Variants in TMTC2 observed in about 807,000 individuals in gnomAD.
TMTC2 encodes transmembrane O-mannosyltransferase targeting cadherins 2.
A neutral mutation model predicts 82.4 loss-of-function variants in TMTC2; 43 were observed. The ratio of observed to expected loss-of-function variants is 0.52; its 90% CI spans 0.41 to 0.67. The LOEUF (loss-of-function observed/expected upper bound fraction) is 0.67, where lower values mean the gene tolerates loss of function less well. TMTC2 is among the 30% of genes least tolerant of loss of function. TMTC2 has a pLI of 0.00. For missense variants in TMTC2, 919 were observed against 1,012.4 expected, an observed-to-expected ratio of 0.91 and a Z score of 1.25; for synonymous variants, 408 against 381.9, an observed-to-expected ratio of 1.07 and a Z score of -0.80.
At chr12:83,041,797 G>A (rs934878310) in intron 9 of TMTC2, among the ~76,000 whole-genome samples, 5 of 152,190 alleles carry the variant, frequency 3.3e-5, no homozygotes, top group Admixed American at 1.3e-4. Context: ...CATTATTTCC[G>A]TAAGTACACG....
intron 2 of TMTC2, among the ~76,000 whole-genome samples, chr12:82,870,543 C>A (rs565661808): frequency 6.6e-6 from 1 of 152,282 alleles, no homozygotes; most frequent in Non-Finnish European, 1.5e-5. Flanking sequence ...CACCTTCTTT[C>A]AATTCTACAC....
chr12:82,912,939 G>A (rs76009436), intron 3 of TMTC2, among the ~76,000 whole-genome samples: 58 of 126,902 alleles, frequency 4.6e-4, no homozygotes, highest in Admixed American at 5.8e-4. Flanking sequence ...GACCTTGTCT[G>A]AAAAAAAAAA....
chr12:82,791,991 CT>C (rs1878491762), intron 1 of TMTC2, among the ~76,000 whole-genome samples: 1 of 152,172 alleles, frequency 6.6e-6, no homozygotes, highest in South Asian at 2.1e-4. Context: ...CTGCCCCATG[CT>C]TTGCTAAGCT....
intron 2 of TMTC2, among the ~76,000 whole-genome samples, chr12:82,888,231 C>T (rs1873204006): frequency 6.6e-6 from 1 of 152,110 alleles, no homozygotes; most frequent in African/African-American, 2.4e-5. Flanking sequence ...TTTGTTTGTA[C>T]AGATGCAGTA....
Position 82,985,911 on chromosome 12 carries a change from A to C in TMTC2, c.1949-14A>C, listed in dbSNP as rs755786835. 3 of 1,611,254 alleles carry C rather than the reference A, an allele frequency of 1.9e-6. No homozygotes were observed. The highest frequency in any genetic ancestry group is 2.5e-6 in the Non-Finnish European group (3 of 1,177,948). ...TATCCTCCCTTTGACCTTCATGATT[A>C]ATTCTCTTTCCAGGTGAAGCATATA... On this transcript the variant is annotated splice_polypyrimidine_tract_variant and intron_variant, in intron 7 of 11. Coordinates refer to ENST00000321196, the MANE Select transcript of TMTC2 (RefSeq NM_152588.3).
chr12:82,807,440 G>A (rs867386173), intron 1 of TMTC2, among the ~76,000 whole-genome samples: 1 of 152,042 alleles, frequency 6.6e-6, no homozygotes, highest in African/African-American at 2.4e-5. Flanking sequence ...TTCATATCCT[G>A]TGTGAGTGCT....
intron 11 of TMTC2, among the ~76,000 whole-genome samples, chr12:83,077,646 C>T (rs1883325903): frequency 6.6e-6 from 1 of 151,986 alleles, no homozygotes; most frequent in Admixed American, 6.6e-5. Flanking sequence ...GCCATCTCAG[C>T]TCACTGCATC....
intron 9 of TMTC2, among the ~76,000 whole-genome samples, chr12:83,045,752 C>CACACACACACACACACACACACACACAG (rs3223367): frequency 6.7e-6 from 1 of 149,220 alleles, no homozygotes; most frequent in African/African-American, 2.5e-5. Context: ...CACACACACA[C>CACACACACACACACACACACACACACAG]CAGGAGTGTC....
At chr12:82,828,055 G>T (rs1314013544) in intron 1 of TMTC2, among the ~76,000 whole-genome samples, 2 of 151,526 alleles carry the variant, frequency 1.3e-5, no homozygotes, top group South Asian at 4.2e-4. Context: ...ACCATGCCCA[G>T]CTAATTTTTG....
At chr12:82,768,427 G>T (rs975698760) in intron 1 of TMTC2, among the ~76,000 whole-genome samples, 9 of 152,064 alleles carry the variant, frequency 5.9e-5, no homozygotes, top group African/African-American at 2.2e-4. Context: ...GTGTGTGTTG[G>T]GCCTTCTAGC....
chr12:82,765,697 CAAA>C (rs1448975895), intron 1 of TMTC2, among the ~76,000 whole-genome samples: 1 of 142,918 alleles, frequency 7.0e-6, no homozygotes, highest in East Asian at 1.9e-4. Flanking sequence ...CAAAACAAAA[CAAA>C]ACAAACAAAC....
chr12:82,897,628 C>T (rs1352375236), intron 3 of TMTC2, among the ~76,000 whole-genome samples: 1 of 152,046 alleles, frequency 6.6e-6, no homozygotes, highest in Non-Finnish European at 1.5e-5. Flanking sequence ...TGGGTTCAAG[C>T]GATTCTCCTC....
At chr12:82,801,220 G>C (rs940714645) in intron 1 of TMTC2, among the ~76,000 whole-genome samples, 1 of 152,000 alleles carries the variant, frequency 6.6e-6, no homozygotes. Context: ...GGACCCTTGC[G>C]GTGAGTGTTA....
intron 1 of TMTC2, among the ~76,000 whole-genome samples, chr12:82,823,987 A>C (rs1456198516): frequency 6.8e-6 from 1 of 146,986 alleles, no homozygotes; most frequent in Non-Finnish European, 1.5e-5. Flanking sequence ...TCCGCTTCCC[A>C]GGTTCAAGTG....
intron 3 of TMTC2, among the ~76,000 whole-genome samples, chr12:82,923,754 A>G (rs1217417213): frequency 6.6e-6 from 1 of 152,178 alleles, no homozygotes; most frequent in Non-Finnish European, 1.5e-5. Flanking sequence ...TATTGATTGT[A>G]TTTACATAGA....
At chr12:82,742,156 T>C (rs1208212539) in intron 1 of TMTC2, among the ~76,000 whole-genome samples, 1 of 152,148 alleles carries the variant, frequency 6.6e-6, no homozygotes, top group African/African-American at 2.4e-5. Context: ...TCCCTACTTA[T>C]TTACTGGAGT....
At chr12:83,116,739 G>A (rs1372368313) in intron 11 of TMTC2, among the ~76,000 whole-genome samples, 1 of 151,998 alleles carries the variant, frequency 6.6e-6, no homozygotes, top group Non-Finnish European at 1.5e-5. Flanking sequence ...ATCTTCTTTT[G>A]AGAATTGTCT....
At chr12:82,873,225 GT>G (rs1872301642) in intron 2 of TMTC2, among the ~76,000 whole-genome samples, 1 of 151,434 alleles carries the variant, frequency 6.6e-6, no homozygotes, top group Non-Finnish European at 1.5e-5. Context: ...GTGTGTGTGT[GT>G]GTGTGTGTGT....
chr12:82,702,477 T>TA (rs1436840429), intron 1 of TMTC2, among the ~76,000 whole-genome samples: 1 of 152,092 alleles, frequency 6.6e-6, no homozygotes, highest in Non-Finnish European at 1.5e-5. Flanking sequence ...ACTGATGGGT[T>TA]AAAAAAAATC....
Sources: allele counts gnomAD v4.1 joint callset (sites outside exome capture counted in the v4.1 genomes callset), GRCh38; gene constraint gnomAD v4.1.1; transcripts MANE v1.5; gene names NCBI Gene and HGNC (gene_info 2026-07-23, HGNC 2026-07-21).